Variants in MTHFD2L observed in about 807,000 individuals in gnomAD.
MTHFD2L encodes the protein methylenetetrahydrofolate dehydrogenase (NADP+ dependent) 2 like.
Under a neutral mutation model 34.9 loss-of-function variants are expected in MTHFD2L, and 29 were observed. The observed-to-expected ratio is 0.83, with a 90% CI of 0.62 to 1.13. MTHFD2L has a LOEUF of 1.13. Ranked by LOEUF, MTHFD2L falls within the 50% of genes most tolerant of loss-of-function variation. MTHFD2L has a pLI of 0.00. For missense variants in MTHFD2L, 481 were observed against 446.5 expected (o/e 1.08, Z -0.70); for synonymous variants, 167 against 155.7 (o/e 1.07, Z -0.54).
chr4:74,154,435 CAT>C (rs1433712337), upstream of MTHFD2L, among the ~76,000 whole-genome samples: 1 of 152,096 alleles, frequency 6.6e-6, no homozygotes, highest in Non-Finnish European at 1.5e-5. Context: ...AATTCTGCAT[CAT>C]GTTTCTTCTC....
At chr4:74,121,609 T>A (rs186516292), upstream of MTHFD2L, among the ~76,000 whole-genome samples, 1 of 145,526 alleles carries the variant, frequency 6.9e-6, no homozygotes, top group African/African-American at 2.5e-5. Flanking sequence ...TAATTAATTA[T>A]TTAATTATAT....
intron 3 of MTHFD2L, among the ~76,000 whole-genome samples, chr4:74,198,386 T>C (rs1733841051): frequency 6.6e-6 from 1 of 152,176 alleles, no homozygotes; most frequent in Non-Finnish European, 1.5e-5. Context: ...TGAGTTCTTT[T>C]TAATCAGTAG....
intron 1 of MTHFD2L, among the ~76,000 whole-genome samples, chr4:74,171,434 G>C (rs191118281): frequency 4.6e-5 from 7 of 152,054 alleles, no homozygotes; most frequent in Non-Finnish European, 8.8e-5. Context: ...TTTTTGTAAC[G>C]TAACAGTTTT....
Position 74,301,781 on chromosome 4 carries a change from T to A in MTHFD2L, c.1016T>A (p.Leu339His), listed in dbSNP as rs1179915505. The change falls in exon 8 of 8, where the codon CTT (leucine) becomes CAT (histidine). Residue 339 changes from leucine (L) to histidine (H), a missense_variant. Coordinates refer to ENST00000325278, the MANE Select transcript of MTHFD2L (RefSeq NM_001144978.3). ...MTVAMLLKNTLLAAKKIIY is the reference protein window; with the variant it reads ...MTVAMLLKNTHLAAKKIIY ...GTGGCAATGCTTCTGAAGAACACCC[T>A]TCTGGCAGCTAAAAAAATCATTTAC... 2.5e-6 allele frequency: 4 copies of A among 1,606,224 alleles called. No homozygotes were observed. Among genetic ancestry groups the A allele is most frequent in the Non-Finnish European group, 3.4e-6 (4 of 1,175,760 alleles).
At chr4:74,280,068 T>A (rs1261342426) in intron 6 of MTHFD2L, among the ~76,000 whole-genome samples, 1 of 152,032 alleles carries the variant, frequency 6.6e-6, no homozygotes, top group East Asian at 1.9e-4. Context: ...CTGCAAGAGA[T>A]CTAGAATACG....
intron 1 of MTHFD2L, among the ~76,000 whole-genome samples, chr4:74,159,800 G>A (rs1234580401): frequency 6.6e-6 from 1 of 152,150 alleles, no homozygotes; most frequent in Non-Finnish European, 1.5e-5. Context: ...ATTTCAGCCC[G>A]GCTGCTTTCA....
chr4:74,175,730 TA>T (rs1377203666), intron 3 of MTHFD2L, among the ~76,000 whole-genome samples: 2 of 152,056 alleles, frequency 1.3e-5, no homozygotes, highest in African/African-American at 4.8e-5. Flanking sequence ...CTGTGGCCTT[TA>T]AAACTTCTTA....
chr4:74,249,374 T>G (rs912491166), intron 6 of MTHFD2L, among the ~76,000 whole-genome samples: 3 of 152,166 alleles, frequency 2.0e-5, no homozygotes, highest in Non-Finnish European at 4.4e-5. Context: ...CCTATGTGTG[T>G]CTCTGCACAT....
At chr4:74,208,152 G>A (rs962531114) in intron 5 of MTHFD2L, among the ~76,000 whole-genome samples, 2 of 152,122 alleles carry the variant, frequency 1.3e-5, no homozygotes, top group Admixed American at 6.5e-5. Context: ...GGGATATTAT[G>A]TTTTGTGATG....
intron 1 of MTHFD2L, among the ~76,000 whole-genome samples, chr4:74,164,192 A>G (rs1323446242): frequency 6.6e-5 from 10 of 152,174 alleles, no homozygotes; most frequent in Non-Finnish European, 1.2e-4. Flanking sequence ...TTTCAACATT[A>G]TAGAGATAAA....
rs1014219596 is a variant in MTHFD2L, at chr4:74,290,708, G to C, written c.931+9158G>C. 7.2e-5 allele frequency among the ~76,000 whole-genome samples: 11 copies of C among 152,032 alleles called. No homozygotes were observed. In the South Asian group the frequency reaches 2.3e-3, roughly 32 times the overall value. On this transcript the variant is annotated intron_variant, in intron 7 of 7. Transcript: ENST00000325278. ...ACGTTTTCTCTCCATTCCCACGAAA[G>C]TATTAACCCAGAAGTATACAACTTC... is the stretch of plus-strand genomic sequence containing the variant.
upstream of MTHFD2L, among the ~76,000 whole-genome samples, chr4:74,120,566 C>T (rs1188355729): frequency 6.6e-6 from 1 of 152,210 alleles, no homozygotes; most frequent in African/African-American, 2.4e-5. Flanking sequence ...GAGGTCACTT[C>T]TGAATGTAAC....
In MTHFD2L at chr4:74,238,034, A is replaced by T. The variant is rs1208936959; in HGVS notation, c.805+12640A>T. Among the ~76,000 whole-genome samples, 5 of 152,168 alleles carry T rather than the reference A, an allele frequency of 3.3e-5. No homozygotes were observed. The East Asian group carries it at 7.7e-4, about 23-fold the overall frequency. On this transcript the variant is annotated intron_variant, in intron 6 of 7. Transcript: ENST00000325278. ...GTGTTGACTATCAGAAAGTGAAACAATTTTATTAGATCTATAGTCATTATT... is the reference window on the plus strand; with the variant it reads ...GTGTTGACTATCAGAAAGTGAAACATTTTTATTAGATCTATAGTCATTATT...
At chr4:74,140,576 C>G (rs572105814) in intron 1 of MTHFD2L, 39 of 972,826 alleles carry the variant, frequency 4.0e-5, no homozygotes, top group South Asian at 2.9e-4. Context: ...ACAAAAAAGG[C>G]AATATAATTC....
rs566353319 is a variant in MTHFD2L at position 74,219,503 on chromosome 4, G to A, written c.713-5799G>A. Reference sequence around the variant, plus strand: ...CTGAGAAGACAGAAAAAAATTAGGTGCAGCAAGCCAGAGGATTAGTTGAAG... The same window carrying A: ...CTGAGAAGACAGAAAAAAATTAGGTACAGCAAGCCAGAGGATTAGTTGAAG... On this transcript the variant is annotated intron_variant, in intron 5 of 7. Transcript: ENST00000325278. Among the ~76,000 whole-genome samples the A allele has an allele frequency of 4.6e-5, 7 of 152,206 alleles. 1 individual carries two copies. The highest frequency in any genetic ancestry group is 1.7e-4 in the African/African-American group (7 of 41,544).
At chr4:74,269,043 G>A (rs1745642159) in intron 6 of MTHFD2L, among the ~76,000 whole-genome samples, 2 of 152,134 alleles carry the variant, frequency 1.3e-5, no homozygotes, top group South Asian at 4.1e-4. Flanking sequence ...CTTTAAAGTA[G>A]TGTGAATCTA....
chr4:74,127,029 G>C (rs1315993793), intron 1 of MTHFD2L, among the ~76,000 whole-genome samples: 1 of 152,120 alleles, frequency 6.6e-6, no homozygotes, highest in Non-Finnish European at 1.5e-5. Flanking sequence ...CTTCCCCTTT[G>C]ACTTGGCACT....
intron 3 of MTHFD2L, among the ~76,000 whole-genome samples, chr4:74,188,404 A>G (rs115586343): frequency 9.9e-5 from 15 of 152,280 alleles, no homozygotes; most frequent in African/African-American, 3.4e-4. Flanking sequence ...CTCTTCTTAT[A>G]AGGACACTAA....
chr4:74,115,464 T>C (rs1162378357), intron 2 of MTHFD2L, among the ~76,000 whole-genome samples: 1 of 152,242 alleles, frequency 6.6e-6, no homozygotes, highest in African/African-American at 2.4e-5. Context: ...TCCCTTTTTG[T>C]TTTAATGTTG....
Sources: gnomAD v4.1 joint callset for allele counts (sites outside exome capture counted in the v4.1 genomes callset) on GRCh38, gnomAD v4.1.1 for gene constraint, MANE v1.5 for transcripts, NCBI Gene and HGNC (gene_info 2026-07-23, HGNC 2026-07-21) for gene names.